Variants in ARHGEF3 observed in about 807,000 individuals in gnomAD.
ARHGEF3 encodes the protein Rho guanine nucleotide exchange factor 3, also known as 59.8 kDA protein.
Under a neutral mutation model 63.2 loss-of-function variants are expected in ARHGEF3, and 28 were observed. The observed-to-expected ratio is 0.44, with a 90% CI of 0.33 to 0.61. ARHGEF3 has a LOEUF of 0.61. Among genes scored for constraint, ARHGEF3 ranks in the 20% least tolerant of loss-of-function variants. ARHGEF3 has a pLI of 0.03. For missense variants in ARHGEF3, 533 were observed against 659.3 expected (o/e 0.81, Z 2.10); for synonymous variants, 266 against 254.2 (o/e 1.05, Z -0.44).
chr3:57,069,809 T>C (rs1347534708), intron 1 of ARHGEF3, among the ~76,000 whole-genome samples: 1 of 152,188 alleles, frequency 6.6e-6, no homozygotes, highest in Non-Finnish European at 1.5e-5. Context: ...CACACCCAAC[T>C]AATTTTTAAT....
chr3:56,930,812 C>T (rs982963434), intron 3 of ARHGEF3, among the ~76,000 whole-genome samples: 20 of 152,258 alleles, frequency 1.3e-4, no homozygotes, highest in Admixed American at 1.0e-3. Context: ...TTCAATACCA[C>T]GCTCCATGGA....
intron 4 of ARHGEF3, among the ~76,000 whole-genome samples, chr3:56,876,243 T>G (rs2108239248): frequency 6.6e-6 from 1 of 152,118 alleles, no homozygotes; most frequent in Admixed American, 6.5e-5. Flanking sequence ...GGTGCAAGGC[T>G]TTGGAAGCAC....
chr3:57,074,731 G>A (rs752567375), intron 1 of ARHGEF3: 45 of 183,288 alleles, frequency 2.5e-4, no homozygotes, highest in Non-Finnish European at 5.3e-4. Flanking sequence ...ACATAGAAGA[G>A]GAAGGAGTCC....
intron 4 of ARHGEF3, among the ~76,000 whole-genome samples, chr3:56,808,048 TG>T (rs1331228466): frequency 1.3e-5 from 2 of 149,696 alleles, no homozygotes; most frequent in African/African-American, 4.9e-5. Flanking sequence ...CACTTGAACC[TG>T]GGAGGCAGAG....
intron 2 of ARHGEF3, among the ~76,000 whole-genome samples, chr3:56,757,619 C>CA (rs1207880431): frequency 6.6e-6 from 1 of 151,940 alleles, no homozygotes; most frequent in East Asian, 1.9e-4. Context: ...TATAGTTATG[C>CA]AAAAAATGCA....
At chr3:56,836,564 G>T (rs115820719) in intron 4 of ARHGEF3, among the ~76,000 whole-genome samples, 1 of 151,872 alleles carries the variant, frequency 6.6e-6, no homozygotes, top group African/African-American at 2.4e-5. Context: ...TTTTTTTCTC[G>T]TTTTGCCTTA....
At chr3:56,941,468 A>G (rs1415200312) in intron 3 of ARHGEF3, among the ~76,000 whole-genome samples, 1 of 152,204 alleles carries the variant, frequency 6.6e-6, no homozygotes, top group Non-Finnish European at 1.5e-5. Context: ...TTGGCCTCCC[A>G]AAGTGCTGGG....
chr3:56,775,219 C>G (rs2036228191), intron 1 of ARHGEF3: 6 of 1,408,258 alleles, frequency 4.3e-6, no homozygotes, highest in Non-Finnish European at 5.6e-6. Flanking sequence ...TTCTGCATCC[C>G]CGTTCTGAAC....
upstream of ARHGEF3, chr3:56,802,076 C>T: frequency 8.3e-7 from 1 of 1,199,560 alleles, no homozygotes. Flanking sequence ...CGGACACCTC[C>T]TGGGGCTGCG....
At chr3:57,075,489 T>G (rs1706170510) in intron 1 of ARHGEF3, 1 of 153,540 alleles carries the variant, frequency 6.5e-6, no homozygotes, top group Admixed American at 7.1e-5. Context: ...TTGCCAGTCC[T>G]CTTTTTTTTT....
intron 4 of ARHGEF3, among the ~76,000 whole-genome samples, chr3:56,831,216 C>A (rs1241159785): frequency 1.3e-5 from 2 of 152,172 alleles, no homozygotes; most frequent in African/African-American, 4.8e-5. Flanking sequence ...AATAACAGAC[C>A]CAAGGCCGTA....
intron 3 of ARHGEF3, among the ~76,000 whole-genome samples, chr3:56,896,584 G>A (rs62251072): frequency 5.9e-5 from 9 of 152,140 alleles, no homozygotes; most frequent in Non-Finnish European, 7.4e-5. Flanking sequence ...TTACTGTCAC[G>A]TGTTCTTGAG....
chr3:56,922,163 G>A (rs2042160451), intron 3 of ARHGEF3, among the ~76,000 whole-genome samples: 1 of 151,896 alleles, frequency 6.6e-6, no homozygotes, highest in African/African-American at 2.4e-5. Context: ...AACACAAGAA[G>A]CAAGGGCCAC....
chr3:56,809,062 C>T (rs2037971534), intron 4 of ARHGEF3, among the ~76,000 whole-genome samples: 1 of 152,172 alleles, frequency 6.6e-6, no homozygotes, highest in Non-Finnish European at 1.5e-5. Flanking sequence ...TATCAAATAT[C>T]AGCTTAGGCT....
At position 56,970,482 on chromosome 3, in the gene ARHGEF3, A is replaced by G. The variant is rs559874778; in HGVS notation, c.63-11593T>C. Among the ~76,000 whole-genome samples, 360 of 152,252 alleles carry G rather than the reference A, an allele frequency of 2.4e-3. 2 individuals are homozygous for G. Among genetic ancestry groups the G allele is most frequent in the African/African-American group, 8.3e-3 (343 of 41,536 alleles). On this transcript the variant is annotated intron_variant, in intron 2 of 12. Transcript: ENST00000338458. The stretch of plus-strand genomic sequence containing the variant: ...GTACTTGTGAGAAATCAGTCCTACA[A>G]GTCCATTTCTGAGGCATATATTTAC...
intron 2 of ARHGEF3, among the ~76,000 whole-genome samples, chr3:56,995,664 A>AGAGAGG: frequency 8.1e-6 from 1 of 123,230 alleles, no homozygotes; most frequent in African/African-American, 2.8e-5. Flanking sequence ...AGAGAGAGAG[A>AGAGAGG]GAGAGAGAAT....
intron 2 of ARHGEF3, among the ~76,000 whole-genome samples, chr3:56,973,560 A>C (rs1401697565): frequency 6.6e-6 from 1 of 152,184 alleles, no homozygotes; most frequent in African/African-American, 2.4e-5. Context: ...GACTATTTTC[A>C]GAAATCATCA....
chr3:57,042,567 C>T (rs948717919), intron 1 of ARHGEF3, among the ~76,000 whole-genome samples: 2 of 147,940 alleles, frequency 1.4e-5, no homozygotes, highest in Admixed American at 6.9e-5. Flanking sequence ...TCAGAAAATG[C>T]GGCAAATCAT....
intron 1 of ARHGEF3, among the ~76,000 whole-genome samples, chr3:56,785,876 G>A (rs986848297): frequency 6.6e-6 from 1 of 152,142 alleles, no homozygotes; most frequent in Admixed American, 6.5e-5. Flanking sequence ...AAGGGCACTG[G>A]GTCTGCAGAA....
Sources: allele counts gnomAD v4.1 joint callset (sites outside exome capture counted in the v4.1 genomes callset), GRCh38; gene constraint gnomAD v4.1.1; transcripts MANE v1.5; gene names NCBI Gene and HGNC (gene_info 2026-07-23, HGNC 2026-07-21).